VPS13B: variants seen among roughly 807,000 people sequenced by gnomAD.
The protein encoded by VPS13B is vacuolar protein sorting 13 homolog B.
A neutral mutation model predicts 426.4 loss-of-function variants in VPS13B; 285 were observed. The ratio of observed to expected loss-of-function variants is 0.67; its 90% CI spans 0.61 to 0.74. The LOEUF is 0.74. Ranked by LOEUF, VPS13B falls within the 30% of genes least tolerant of loss-of-function variation. The probability of loss-of-function intolerance (pLI) is 0.00; values close to 1 mark genes in which losing one functional copy is unlikely to be tolerated. For synonymous variants in VPS13B, 1,676 were observed against 1,676.4 expected, an observed-to-expected ratio of 1.00 and a Z score of 0.01; for missense variants, 4,537 against 4,782.6, an observed-to-expected ratio of 0.95 and a Z score of 1.51.
At chr8:99,853,410 G>A in intron 55 of VPS13B, 41 bp from the exon 56 acceptor site, 2 of 1,603,578 alleles carry the variant, frequency 1.2e-6, no homozygotes, top group Non-Finnish European at 1.7e-6. Flanking sequence ...GAAAGAAAAG[G>A]TGAGTGGGGG....
chr8:99,097,658 G>A lies in VPS13B; in HGVS notation c.412+1226G>A, dbSNP rs117110942. 4.5e-3 allele frequency among the ~76,000 whole-genome samples: 688 copies of A among 151,950 alleles called. 3 individuals carry two copies. The highest frequency in any genetic ancestry group is 7.3e-3 in the Non-Finnish European group (496 of 67,952). On this transcript the variant is annotated intron_variant, in intron 4 of 61. Transcript: ENST00000357162. ...TGAAAGTATGGGAGATAATATAAGAGACAAATAGTAGCCAAAAATAAATCT... is the reference window on the plus strand; with the variant it reads ...TGAAAGTATGGGAGATAATATAAGAAACAAATAGTAGCCAAAAATAAATCT...
intron 28 of VPS13B, among the ~76,000 whole-genome samples, chr8:99,509,598 T>C (rs1391290756): frequency 6.6e-6 from 1 of 152,140 alleles, no homozygotes; most frequent in Non-Finnish European, 1.5e-5. Flanking sequence ...GTAGGAGTGA[T>C]GGGATAATAT....
At chr8:99,180,374 A>G (rs1414864313) in intron 16 of VPS13B, among the ~76,000 whole-genome samples, 2 of 152,190 alleles carry the variant, frequency 1.3e-5, no homozygotes, top group Non-Finnish European at 2.9e-5. Context: ...TCCAGTCATC[A>G]TTCTACATGC....
chr8:99,662,938 G>A (rs1830298934), intron 35 of VPS13B, among the ~76,000 whole-genome samples: 1 of 152,090 alleles, frequency 6.6e-6, no homozygotes, highest in Non-Finnish European at 1.5e-5. Flanking sequence ...CGTACCTGTA[G>A]TTCCAGCTAC....
At chr8:99,137,958 C>T (rs1320316624) in intron 12 of VPS13B, among the ~76,000 whole-genome samples, 1 of 152,064 alleles carries the variant, frequency 6.6e-6, no homozygotes, top group Non-Finnish European at 1.5e-5. Context: ...TTAGGCTTCT[C>T]TTCTTTGAAA....
chr8:99,720,408 C>T lies in VPS13B; in HGVS notation c.6721C>T (p.Leu2241Phe). 2 of 1,613,852 alleles carry T rather than the reference C, an allele frequency of 1.2e-6. No homozygotes were observed. Among genetic ancestry groups the T allele is most frequent in the Non-Finnish European group, 1.7e-6 (2 of 1,179,892 alleles). The change falls in exon 38 of 62, where the codon CTT becomes TTT. Residue 2241 changes from leucine (L) to phenylalanine (F), a missense_variant. Physicochemically the swap from Leu to Phe is conservative, Grantham distance 22 (BLOSUM62 0). This residue lies in a region of VPS13B where 4,311 missense variants were observed against 4,474.3 expected (regional missense o/e 0.96). Transcript: ENST00000357162. ...VLLHELLNGY[L>F]NEEGNFEVQV... ...TCTACATGAATTACTCAATGGATACCTTAATGAGGAGGGAAATTTTGAAGT... is the reference window on the plus strand; with the variant it reads ...TCTACATGAATTACTCAATGGATACTTTAATGAGGAGGGAAATTTTGAAGT...
intron 2 of VPS13B, among the ~76,000 whole-genome samples, chr8:99,023,230 C>T (rs1841983939): frequency 6.6e-6 from 1 of 151,852 alleles, no homozygotes; most frequent in Non-Finnish European, 1.5e-5. Flanking sequence ...TGTTAATAAA[C>T]ATCTTCCTAG....
chr8:99,548,746 T>C (rs879265777), intron 30 of VPS13B, among the ~76,000 whole-genome samples: 4 of 152,002 alleles, frequency 2.6e-5, no homozygotes, highest in Non-Finnish European at 5.9e-5. Flanking sequence ...AAAATCCTCC[T>C]ATTTTTTGGA....
At chr8:99,464,815 C>T (rs1412003293) in intron 23 of VPS13B, among the ~76,000 whole-genome samples, 2 of 152,046 alleles carry the variant, frequency 1.3e-5, no homozygotes, top group African/African-American at 2.4e-5. Context: ...CTTTCTTTCA[C>T]ATTATTTGGT....
In VPS13B at chr8:99,137,876, A is replaced by G. The variant is rs369731875; in HGVS notation, c.1651+1124A>G. Among the ~76,000 whole-genome samples, 7 of 152,260 alleles carry G rather than the reference A, an allele frequency of 4.6e-5. No individual in the cohort carries two copies. The South Asian group carries it at 1.5e-3, about 32-fold the overall frequency. On this transcript the variant is annotated intron_variant, in intron 12 of 61. Transcript: ENST00000357162. ...CCTCTGTGTCTTTCAGATATCTCAA[A>G]ACTGATTTTGTCCAAAATTGAGTTA...
intron 14 of VPS13B, among the ~76,000 whole-genome samples, chr8:99,154,606 A>G (rs1244083917): frequency 6.6e-6 from 1 of 152,190 alleles, no homozygotes; most frequent in Non-Finnish European, 1.5e-5. Context: ...GCAGAAAGCA[A>G]AGTATAAATT....
At chr8:99,674,343 C>A (rs1427894611) in intron 35 of VPS13B, among the ~76,000 whole-genome samples, 4 of 152,016 alleles carry the variant, frequency 2.6e-5, no homozygotes, top group Non-Finnish European at 4.4e-5. Context: ...ATAGGACTTG[C>A]ATTATCTCTT....
intron 19 of VPS13B, among the ~76,000 whole-genome samples, chr8:99,282,542 T>C (rs76017701): frequency 0.072 from 10,907 of 152,184 alleles, 571 homozygotes; most frequent in African/African-American, 0.15. Context: ...TATACTTATT[T>C]CTATGAAATT....
intron 21 of VPS13B, among the ~76,000 whole-genome samples, chr8:99,429,123 C>T (rs1190493014): frequency 6.6e-6 from 1 of 151,864 alleles, no homozygotes; most frequent in East Asian, 1.9e-4. Flanking sequence ...CACACCGGGG[C>T]CTGTTGTGGG....
intron 39 of VPS13B, among the ~76,000 whole-genome samples, chr8:99,751,765 G>A (rs1037583103): frequency 2.0e-5 from 3 of 152,138 alleles, no homozygotes; most frequent in Non-Finnish European, 2.9e-5. Context: ...GACCTTATTT[G>A]CAAGTCTCAT....
intron 43 of VPS13B, among the ~76,000 whole-genome samples, chr8:99,789,524 C>G (rs1005224239): frequency 6.6e-6 from 1 of 152,074 alleles, no homozygotes; most frequent in Non-Finnish European, 1.5e-5. Flanking sequence ...AACTTCAAAG[C>G]TATTAAAATT....
At chr8:99,066,271 C>G (rs1469317007) in intron 3 of VPS13B, among the ~76,000 whole-genome samples, 9 of 152,156 alleles carry the variant, frequency 5.9e-5, no homozygotes, top group African/African-American at 4.8e-5. Context: ...GCTACAGTAA[C>G]CAAAACAGCA....
intron 16 of VPS13B, among the ~76,000 whole-genome samples, chr8:99,188,014 G>C (rs1813315374): frequency 1.3e-5 from 2 of 151,206 alleles, no homozygotes; most frequent in Non-Finnish European, 2.9e-5. Flanking sequence ...ACAGACAGAG[G>C]CAGGGGTGAC....
At chr8:99,020,608 G>C (rs1841837265) in intron 2 of VPS13B, among the ~76,000 whole-genome samples, 1 of 152,014 alleles carries the variant, frequency 6.6e-6, no homozygotes, top group Non-Finnish European at 1.5e-5. Context: ...TAATTTTTTT[G>C]TTCTTACATA....
Sources: gnomAD v4.1 joint callset for allele counts (sites outside exome capture counted in the v4.1 genomes callset) on GRCh38, gnomAD v4.1.1 for gene constraint, gnomAD v4.1.1 regional missense constraint, MANE v1.5 for transcripts, NCBI Gene and HGNC (gene_info 2026-07-23, HGNC 2026-07-21) for gene names.